The following CRIP2 variants were observed in gnomAD, a reference collection of about 807,000 sequenced individuals.
The protein encoded by CRIP2 is cysteine rich protein 2.
A neutral mutation model predicts 31.3 loss-of-function variants in CRIP2; 31 were observed. The observed-to-expected ratio is 0.99, with a 90% CI of 0.74 to 1.34. CRIP2 has a LOEUF of 1.34. CRIP2 is among the 40% of genes most tolerant of loss of function. The probability of loss-of-function intolerance (pLI) is 0.00; values close to 1 mark genes in which losing one functional copy is unlikely to be tolerated. For missense variants in CRIP2, 389 were observed against 301.6 expected (o/e 1.29, Z -2.15); for synonymous variants, 177 against 127.2 (o/e 1.39, Z -2.63).
At position 105,480,036 on chromosome 14, in the gene CRIP2, C is replaced by G. The variant is rs587757631; in HGVS notation, c.*383C>G. On this transcript the variant is annotated 3_prime_UTR_variant, in exon 8 of 8. Transcript: ENST00000329146. ...GTGATGGCCACGCCCTCACCATGTC[C>G]CTGGCAGAGGGCTTCCCTCCGGGAT... is the stretch of plus-strand genomic sequence containing the variant. 2.1e-4 allele frequency: 50 copies of G among 233,312 alleles called. 1 individual carries two copies. The South Asian group carries it at 3.0e-3, about 14-fold the overall frequency. The allele number at this position is 233,312 out of a possible 1,614,324, so 14.5% of individuals were successfully genotyped here. A position where few individuals can be genotyped will look rare whatever the true frequency, so the allele number is the denominator to read the frequency against.
At chr14:105,475,316 T>C (rs1595448788) in intron 1 of CRIP2, 2 of 175,090 alleles carry the variant, frequency 1.1e-5, no homozygotes, top group South Asian at 1.8e-4. Context: ...GGGCCCTTTC[T>C]CCTGGACCCC....
rs1375289093 is a variant in CRIP2, at chr14:105,476,786, C to T, written c.44-1480C>T. 4.1e-6 allele frequency: 4 copies of T among 984,380 alleles called. No individual in the cohort carries two copies. The African/African-American group carries it at 7.0e-5, about 17-fold the overall frequency. 61.0% of individuals were successfully genotyped at this position (984,380 alleles called of 1,614,324 possible). A position where few individuals can be genotyped will look rare whatever the true frequency, so the allele number is the denominator to read the frequency against. ...GAGTGGAGTGGTTCTGGTCAGAGGGCTCTAAGCTGGTGCAGCCTTGTGGTT... is the reference window on the plus strand; with the variant it reads ...GAGTGGAGTGGTTCTGGTCAGAGGGTTCTAAGCTGGTGCAGCCTTGTGGTT... On this transcript the variant is annotated intron_variant, in intron 1 of 7. Coordinates refer to ENST00000329146, the MANE Select transcript of CRIP2 (RefSeq NM_001312.4).
chr14:105,479,542 C>A (rs782600114), intron 7 of CRIP2, 44 bp from the exon 8 acceptor site: 1 of 1,612,788 alleles, frequency 6.2e-7, no homozygotes, highest in Non-Finnish European at 8.5e-7. Context: ...CCTCCCCTTC[C>A]CTCCACTGTT....
chr14:105,479,535 CCCCTT>C, intron 7 of CRIP2, 42 bp downstream of exon 7: 1 of 1,612,768 alleles, frequency 6.2e-7, no homozygotes, highest in Non-Finnish European at 8.5e-7. Context: ...TCCCTGCCCT[CCCCTT>C]CCCTCCACTG....
At chr14:105,475,754 C>T in intron 1 of CRIP2, 1 of 929,796 alleles carries the variant, frequency 1.1e-6, no homozygotes, top group Non-Finnish European at 1.3e-6. Context: ...TGGGTGCGCC[C>T]TTCCTACCCC....
rs782639431 is a variant in CRIP2, at chr14:105,479,649, C to T, written c.623C>T (p.Pro208Leu). 3.1e-6 allele frequency: 5 copies of T among 1,612,144 alleles called. No homozygotes were observed. The South Asian group carries it at 3.3e-5, about 11-fold the overall frequency. ...CGGGACCCCGAAGGCAAGGTCCAGCCCTAGGCTACAGCGGCTCTCATGATG... is the reference window on the plus strand; with the variant it reads ...CGGGACCCCGAAGGCAAGGTCCAGCTCTAGGCTACAGCGGCTCTCATGATG... ...YDRDPEGKVQ[P>L] The change falls in exon 8 of 8, where the codon CCC (proline) becomes CTC (leucine). Residue 208 changes from proline to leucine, a missense_variant. By Grantham distance (98) the Pro-to-Leu change is moderately conservative. Transcript: ENST00000329146.
In CRIP2 at chr14:105,478,892, G is replaced by A; in HGVS notation, c.337+21G>A. On this transcript the variant is annotated intron_variant, in intron 4 of 7. Transcript: ENST00000329146. The surrounding 1 kb of genome is among the most constrained non-coding windows in gnomAD (Gnocchi z 4.9). ...CAGAGGTGGGCTGGGCGCGGGCTGG[G>A]GCTGGGGGTTGTGGGCACGCGCGGG... 4.8e-6 allele frequency: 7 copies of A among 1,468,106 alleles called. No homozygotes were observed. Among genetic ancestry groups the A allele is most frequent in the East Asian group, 2.6e-5 (1 of 38,958 alleles). The allele number at this position is 1,468,106 out of a possible 1,614,324, so 90.9% of individuals were successfully genotyped here. A position where few individuals can be genotyped will look rare whatever the true frequency, so the allele number is the denominator to read the frequency against.
At position 105,478,237 on chromosome 14, in the gene CRIP2, C is replaced by T. The variant is rs1555436312; in HGVS notation, c.44-29C>T. On this transcript the variant is annotated intron_variant, in intron 1 of 7. Coordinates refer to ENST00000329146, the MANE Select transcript of CRIP2 (RefSeq NM_001312.4). The surrounding 1 kb of genome is among the most constrained non-coding windows in gnomAD (Gnocchi z 4.9). ...AGGGGGTGCGGGGCGCGCCCCGGCC[C>T]TGACCCCCCTGCCGCCCCTCCCGCT... is the stretch of plus-strand genomic sequence containing the variant. The T allele has an allele frequency of 1.3e-6, 2 of 1,506,254 alleles. No individual in the cohort carries two copies. Among genetic ancestry groups the T allele is most frequent in the Non-Finnish European group, 1.8e-6 (2 of 1,128,494 alleles). The allele number at this position is 1,506,254 out of a possible 1,614,324, so 93.3% of individuals were successfully genotyped here.
upstream of CRIP2, chr14:105,473,606 G>A: frequency 7.1e-7 from 1 of 1,416,122 alleles, no homozygotes; most frequent in Non-Finnish European, 9.4e-7. Flanking sequence ...CTGGGCTTCT[G>A]GGATCTGCCT....
At chr14:105,476,441 G>A (rs2083934082) in intron 1 of CRIP2, 6 of 985,396 alleles carry the variant, frequency 6.1e-6, no homozygotes, top group East Asian at 1.1e-4. Flanking sequence ...CTGGGATGTC[G>A]GAGCACATTG....
In CRIP2 at chr14:105,478,891, G is replaced by A. The variant is rs1273735000; in HGVS notation, c.337+20G>A. ...GCAGAGGTGGGCTGGGCGCGGGCTG[G>A]GGCTGGGGGTTGTGGGCACGCGCGG... On this transcript the variant is annotated intron_variant, in intron 4 of 7. Transcript: ENST00000329146. The surrounding 1 kb of genome is among the most constrained non-coding windows in gnomAD (Gnocchi z 4.9). 1 of 1,463,050 alleles carries A rather than the reference G, an allele frequency of 6.8e-7. No individual in the cohort carries two copies. The highest frequency in any genetic ancestry group is 2.6e-5 in the Admixed American group (1 of 38,880). The allele number at this position is 1,463,050 out of a possible 1,614,324, so 90.6% of individuals were successfully genotyped here.
upstream of CRIP2, chr14:105,473,493 G>A (rs2083876181): frequency 2.0e-6 from 3 of 1,535,412 alleles, no homozygotes; most frequent in East Asian, 2.4e-5. Flanking sequence ...CATGCCTGGT[G>A]CACCAGGCAG....
chr14:105,476,880 A>G lies in CRIP2; in HGVS notation c.44-1386A>G, dbSNP rs1344508748. ...TGTACCAGGGCCACGGAGAGCCAGT[A>G]TTCACAGCCCTCTACCTAGTAGGCC... is the stretch of plus-strand genomic sequence containing the variant. On this transcript the variant is annotated intron_variant, in intron 1 of 7. Transcript: ENST00000329146. The G allele has an allele frequency of 1.0e-5, 6 of 590,898 alleles. No individual in the cohort carries two copies. In the East Asian group the frequency reaches 7.1e-4, roughly 70 times the overall value. The allele number at this position is 590,898 out of a possible 1,614,324, so 36.6% of individuals were successfully genotyped here.
Position 105,478,426 on chromosome 14 carries a change from C to A in CRIP2, c.139-24C>A. 1 of 1,597,606 alleles carries A rather than the reference C, an allele frequency of 6.3e-7. No homozygotes were observed. Among genetic ancestry groups the A allele is most frequent in the Non-Finnish European group, 8.5e-7 (1 of 1,175,954 alleles). ...GACTCCCGCCACCCTCAGGCAGGGT[C>A]CTGACCCGCGCCCCTCTGCGCAGCA... is the stretch of plus-strand genomic sequence containing the variant. On this transcript the variant is annotated intron_variant, in intron 2 of 7. Coordinates refer to ENST00000329146, the MANE Select transcript of CRIP2 (RefSeq NM_001312.4). This position sits in a 1 kb window ranked among gnomAD's most constrained non-coding sequence, Gnocchi z 4.9.
At chr14:105,476,289 A>G in intron 1 of CRIP2, 1 of 985,440 alleles carries the variant, frequency 1.0e-6, no homozygotes, top group Non-Finnish European at 1.2e-6. Context: ...TGGCCCGCCC[A>G]GCCTCTCAGC....
At chr14:105,474,617 C>T, upstream of CRIP2, 1 of 229,082 alleles carries the variant, frequency 4.4e-6, no homozygotes, top group Non-Finnish European at 7.1e-6. This position sits in a 1 kb window ranked among gnomAD's most constrained non-coding sequence, Gnocchi z 5.1. Context: ...GACGCCACCT[C>T]CGGCGCGAGG....
chr14:105,473,049 CAAGCCCCACAGG>C, upstream of CRIP2: 2 of 614,142 alleles, frequency 3.3e-6, no homozygotes, highest in Non-Finnish European at 5.7e-6. Context: ...CCACAGGTAG[CAAGCCCCACAGG>C]TAGCAAAGTC....
Position 105,478,215 on chromosome 14 carries a change from G to C in CRIP2, c.44-51G>C. ...GGTGGCTGCCAGGTGGGGGCGGAGG[G>C]GGTGCGGGGCGCGCCCCGGCCCTGA... is the stretch of plus-strand genomic sequence containing the variant. On this transcript the variant is annotated intron_variant, in intron 1 of 7. Coordinates refer to ENST00000329146, the MANE Select transcript of CRIP2 (RefSeq NM_001312.4). The surrounding 1 kb of genome is among the most constrained non-coding windows in gnomAD (Gnocchi z 4.9). 2 of 1,392,352 alleles carry C rather than the reference G, an allele frequency of 1.4e-6. No homozygotes were observed. Among genetic ancestry groups the C allele is most frequent in the East Asian group, 2.7e-5 (1 of 36,684 alleles). 86.2% of individuals were successfully genotyped at this position (1,392,352 alleles called of 1,614,324 possible).
Position 105,478,511 on chromosome 14 carries a change from A to G in CRIP2, c.196+4A>G. ...GCCACCCTGTTCGGACCCAAAGGTG[A>G]GCTCCGGCTGCCCTCGGCCTGCCCT... is the stretch of plus-strand genomic sequence containing the variant. On this transcript the variant is annotated splice_donor_region_variant and intron_variant, in intron 3 of 7. Coordinates refer to ENST00000329146, the MANE Select transcript of CRIP2 (RefSeq NM_001312.4). The surrounding 1 kb of genome is among the most constrained non-coding windows in gnomAD (Gnocchi z 4.9). 6.2e-7 allele frequency: 1 copy of G among 1,607,992 alleles called. No individual in the cohort carries two copies. The highest frequency in any genetic ancestry group is 8.5e-7 in the Non-Finnish European group (1 of 1,178,576).
Sources: allele counts gnomAD v4.1 joint callset, GRCh38; gene constraint gnomAD v4.1.1; non-coding constraint Gnocchi (gnomAD v3.1); transcripts MANE v1.5; gene names NCBI Gene and HGNC (gene_info 2026-07-23, HGNC 2026-07-21).